Variants in ADCY1 observed in about 807,000 individuals in gnomAD.
ADCY1 encodes adenylate cyclase 1.
In ADCY1, 28 loss-of-function variants were observed where a neutral mutation model predicts 105.4. The observed-to-expected ratio is 0.27, with a 90% CI of 0.20 to 0.36. ADCY1 has a LOEUF of 0.36. ADCY1 is among the 10% of genes least tolerant of loss of function. The probability of loss-of-function intolerance (pLI) is 1.00; values close to 1 mark genes in which losing one functional copy is unlikely to be tolerated. For synonymous variants in ADCY1, 655 were observed against 623.8 expected (o/e 1.05, Z -0.75); for missense variants, 977 against 1,434.2 (o/e 0.68, Z 5.15).
At chr7:45,685,839 C>A in intron 12 of ADCY1, 123 bp from the exon 13 acceptor site, 1 of 1,229,736 alleles carries the variant, frequency 8.1e-7, no homozygotes, top group Non-Finnish European at 1.1e-6. Flanking sequence ...GGTGTGATAG[C>A]ACTGGGGGTG....
chr7:45,701,973 G>A (rs1227946493), intron 14 of ADCY1, among the ~76,000 whole-genome samples: 1 of 152,174 alleles, frequency 6.6e-6, no homozygotes, highest in African/African-American at 2.4e-5. Context: ...CTATCTCCAT[G>A]GATCGCACTG....
rs12702150 is a variant in ADCY1, at chr7:45,591,303, C to T, written c.640-1456C>T. ...TCTCCCTCCTAGAGCCGTCTGGGGG[C>T]CCCATCCTGCTGCCTGTAGCTTGGC... On this transcript the variant is annotated intron_variant, in intron 1 of 19. Transcript: ENST00000297323. This position sits in a 1 kb window ranked among gnomAD's most constrained non-coding sequence, Gnocchi z 4.1. 0.48 allele frequency among the ~76,000 whole-genome samples: 72,983 copies of T among 151,926 alleles called. 17,904 individuals carry two copies. The highest frequency in any genetic ancestry group is 0.67 in the East Asian group (3,430 of 5,136).
intron 11 of ADCY1, among the ~76,000 whole-genome samples, chr7:45,681,962 G>A (rs1784565323): frequency 6.6e-6 from 1 of 152,194 alleles, no homozygotes; most frequent in African/African-American, 2.4e-5. Context: ...ATGGCCCCTT[G>A]GGACCTTCAC....
intron 4 of ADCY1, among the ~76,000 whole-genome samples, chr7:45,623,540 G>A (rs1045264980): frequency 7.2e-5 from 11 of 152,190 alleles, no homozygotes; most frequent in African/African-American, 2.7e-4. Context: ...GCCAACAGAC[G>A]TTGCAGGCCC....
rs1199802089 is a variant in ADCY1, at chr7:45,717,404, T to A, written c.*3409T>A. 3.9e-5 allele frequency: 6 copies of A among 152,646 alleles called. No homozygotes were observed. Among genetic ancestry groups the A allele is most frequent in the South Asian group, 4.1e-4 (2 of 4,834 alleles). The allele number at this position is 152,646 out of a possible 1,614,324, so 9.5% of individuals were successfully genotyped here. ...GTTTGGTGAAAAACAACTTCCTTTT[T>A]ATTTGTGGGAAAACTGTATTATATT... On this transcript the variant is annotated 3_prime_UTR_variant, in exon 20 of 20. Coordinates refer to ENST00000297323, the MANE Select transcript of ADCY1 (RefSeq NM_021116.4).
chr7:45,629,509 C>CT (rs34705083), intron 4 of ADCY1, among the ~76,000 whole-genome samples: 4,215 of 129,338 alleles, frequency 0.033, 133 homozygotes, highest in East Asian at 0.17. Context: ...GTATGCTTAA[C>CT]TTTTTTTTTT....
intron 7 of ADCY1, among the ~76,000 whole-genome samples, chr7:45,661,091 TAAAG>T (rs1457183237): frequency 1.3e-5 from 2 of 152,054 alleles, no homozygotes; most frequent in Non-Finnish European, 2.9e-5. Context: ...TGGCTCTTCT[TAAAG>T]AAACAATTTG....
chr7:45,641,534 C>G (rs1403679272), intron 4 of ADCY1, among the ~76,000 whole-genome samples: 1 of 152,182 alleles, frequency 6.6e-6, no homozygotes, highest in Non-Finnish European at 1.5e-5. Context: ...AACTTTTGAC[C>G]TGGCACCACC....
rs376208443 is a variant in ADCY1, at chr7:45,713,688, A to G, written c.3058-5A>G. 6 of 778,770 alleles carry G rather than the reference A, an allele frequency of 7.7e-6. No individual in the cohort carries two copies. In the African/African-American group the frequency reaches 1.0e-4, roughly 13 times the overall value. The allele number at this position is 778,770 out of a possible 1,614,324, so 48.2% of individuals were successfully genotyped here. A position where few individuals can be genotyped will look rare whatever the true frequency, so the allele number is the denominator to read the frequency against. ...GAAGTAACACTCACTTCTCTCCATC[A>G]ACAGGTGACTGAGGAAGTCCACCGG... On this transcript the variant is annotated splice_polypyrimidine_tract_variant and splice_region_variant and intron_variant, in intron 19 of 19. Transcript: ENST00000297323.
intron 8 of ADCY1, among the ~76,000 whole-genome samples, chr7:45,665,332 T>C (rs1784209125): frequency 1.3e-5 from 2 of 152,238 alleles, no homozygotes; most frequent in Non-Finnish European, 2.9e-5. Flanking sequence ...TGCCTGAGTG[T>C]GTGCAGCCTG....
chr7:45,584,088 C>T (rs545003844), intron 1 of ADCY1, among the ~76,000 whole-genome samples: 1 of 152,048 alleles, frequency 6.6e-6, no homozygotes, highest in Admixed American at 6.5e-5. Context: ...GGTAGAGCTA[C>T]AGGAGTGCAC....
rs1028248466 is a variant in ADCY1, at chr7:45,714,932, C to T, written c.*937C>T. On this transcript the variant is annotated 3_prime_UTR_variant, in exon 20 of 20. Transcript: ENST00000297323. ...TTAGCAACAACAGTGTGAGGCTCCA[C>T]TTCTGTTGAATATGAGCGGCTGTCA... 20 of 152,252 alleles carry T rather than the reference C, an allele frequency of 1.3e-4. No individual in the cohort carries two copies. Among genetic ancestry groups the T allele is most frequent in the African/African-American group, 4.8e-4 (20 of 41,460 alleles). 9.4% of individuals were successfully genotyped at this position (152,252 alleles called of 1,614,324 possible). A position where few individuals can be genotyped will look rare whatever the true frequency, so the allele number is the denominator to read the frequency against.
At chr7:45,632,466 T>G (rs1014130680) in intron 4 of ADCY1, among the ~76,000 whole-genome samples, 5 of 151,412 alleles carry the variant, frequency 3.3e-5, no homozygotes, top group African/African-American at 1.2e-4. Context: ...GTATGTTTAT[T>G]TAGATTTATT....
At chr7:45,677,788 T>C in intron 8 of ADCY1, 81 bp from the exon 9 acceptor site, 1 of 1,442,534 alleles carries the variant, frequency 6.9e-7, no homozygotes, top group South Asian at 1.3e-5. Flanking sequence ...GCAGCGGATC[T>C]GGCTGGAGGG....
intron 1 of ADCY1, among the ~76,000 whole-genome samples, chr7:45,590,920 G>GGT (rs1484067255): frequency 6.6e-6 from 1 of 152,114 alleles, no homozygotes; most frequent in Non-Finnish European, 1.5e-5. Flanking sequence ...GTCAGGTGGG[G>GGT]GTGTGTCTGA....
At chr7:45,588,413 T>G (rs1249999804) in intron 1 of ADCY1, among the ~76,000 whole-genome samples, 1 of 152,272 alleles carries the variant, frequency 6.6e-6, no homozygotes, top group African/African-American at 2.4e-5. Flanking sequence ...TTACCTGGCC[T>G]CCTCATGTCC....
In ADCY1 at chr7:45,657,755, C is replaced by G; in HGVS notation, c.1177C>G (p.Leu393Val). ...TGTGGCTGAAGCCACCGAGGTGGAT[C>G]TGAACATGCGTGTGGGTCTGCACAC... ...TSVAEATEVD[L>V]NMRVGLHTGR... The change falls in exon 6 of 20, where the codon CTG becomes GTG. Residue 393 changes from leucine (L) to valine (V), a missense_variant. Coordinates refer to ENST00000297323, the MANE Select transcript of ADCY1 (RefSeq NM_021116.4). The G allele has an allele frequency of 6.2e-7, 1 of 1,614,000 alleles. No individual in the cohort carries two copies. The highest frequency in any genetic ancestry group is 8.5e-7 in the Non-Finnish European group (1 of 1,179,962).
chr7:45,721,575 T>G lies in ADCY1; in HGVS notation c.*7580T>G, dbSNP rs1360328156. The G allele has an allele frequency of 2.5e-6, 1 of 397,992 alleles. No individual in the cohort carries two copies. Among genetic ancestry groups the G allele is most frequent in the East Asian group, 3.6e-5 (1 of 28,060 alleles). The allele number at this position is 397,992 out of a possible 1,614,324, so 24.7% of individuals were successfully genotyped here. A position where few individuals can be genotyped will look rare whatever the true frequency, so the allele number is the denominator to read the frequency against. ...GCTTCTGCTCAGGAGTTCTGTGAGC[T>G]ATGGGAAGGCCATTGGTTGTATTTG... is the stretch of plus-strand genomic sequence containing the variant. On this transcript the variant is annotated 3_prime_UTR_variant, in exon 20 of 20. Transcript: ENST00000297323.
chr7:45,658,901 A>T (rs548723334), intron 6 of ADCY1, among the ~76,000 whole-genome samples: 2 of 152,310 alleles, frequency 1.3e-5, no homozygotes, highest in Non-Finnish European at 2.9e-5. Flanking sequence ...CCCCAGGCCA[A>T]TGGGAGCTGC....
Sources: gnomAD v4.1 joint callset for allele counts (sites outside exome capture counted in the v4.1 genomes callset) on GRCh38, gnomAD v4.1.1 for gene constraint, Gnocchi (gnomAD v3.1) non-coding constraint, MANE v1.5 for transcripts, NCBI Gene and HGNC (gene_info 2026-07-23, HGNC 2026-07-21) for gene names.